SLC24A3: variants seen among roughly 807,000 people sequenced by gnomAD.
The protein encoded by SLC24A3 is solute carrier family 24 member 3, also known as sodium/potassium/calcium exchanger 3.
Under a neutral mutation model 75.8 loss-of-function variants are expected in SLC24A3, and 28 were observed. The observed-to-expected ratio is 0.37, with a 90% CI of 0.27 to 0.51. SLC24A3 has a LOEUF of 0.51. Among genes scored for constraint, SLC24A3 ranks in the 20% least tolerant of loss-of-function variants. SLC24A3 has a pLI of 0.94. For synonymous variants in SLC24A3, 372 were observed against 334.1 expected (o/e 1.11, Z -1.24); for missense variants, 663 against 847.8 (o/e 0.78, Z 2.71).
At chr20:19,638,909 T>A (rs2032033009) in intron 6 of SLC24A3, among the ~76,000 whole-genome samples, 1 of 152,132 alleles carries the variant, frequency 6.6e-6, no homozygotes, top group African/African-American at 2.4e-5. Flanking sequence ...CAGTGAGTAT[T>A]ACAGCTCATA....
Position 19,670,091 on chromosome 20 carries a change from A to G in SLC24A3, c.714-3510A>G, listed in dbSNP as rs997632876. Among the ~76,000 whole-genome samples, 3 of 151,912 alleles carry G rather than the reference A, an allele frequency of 2.0e-5. No individual in the cohort carries two copies. The East Asian group carries it at 5.8e-4, about 29-fold the overall frequency. On this transcript the variant is annotated intron_variant, in intron 8 of 16. Coordinates refer to ENST00000328041, the MANE Select transcript of SLC24A3 (RefSeq NM_020689.4). The stretch of plus-strand genomic sequence containing the variant: ...AGCACCTCCTCTACGCCAGGGAAAC[A>G]TGTCGTACAAAACCAGAGCTGGCCC...
chr20:19,368,297 G>C (rs1985933126), intron 2 of SLC24A3, among the ~76,000 whole-genome samples: 3 of 152,208 alleles, frequency 2.0e-5, no homozygotes, highest in African/African-American at 4.8e-5. Flanking sequence ...GCAAAGTACA[G>C]CCAGAGAGAA....
chr20:19,490,936 A>G (rs1165531610), intron 2 of SLC24A3, among the ~76,000 whole-genome samples: 1 of 152,168 alleles, frequency 6.6e-6, no homozygotes, highest in Non-Finnish European at 1.5e-5. Context: ...TGCCACTGCC[A>G]CTTTCTAATC....
chr20:19,222,759 T>C (rs1981752705), intron 1 of SLC24A3, among the ~76,000 whole-genome samples: 2 of 85,282 alleles, frequency 2.3e-5, no homozygotes, highest in East Asian at 6.6e-4. Context: ...TCCTTCTTCC[T>C]TCCCTCCTCC....
At chr20:19,517,932 C>A (rs1022432726) in intron 3 of SLC24A3, among the ~76,000 whole-genome samples, 6 of 152,180 alleles carry the variant, frequency 3.9e-5, no homozygotes, top group African/African-American at 1.4e-4. Flanking sequence ...AAGATCAAAT[C>A]TTGTTATCCT....
intron 1 of SLC24A3, among the ~76,000 whole-genome samples, chr20:19,262,551 C>T (rs1983026993): frequency 6.6e-6 from 1 of 152,156 alleles, no homozygotes; most frequent in African/African-American, 2.4e-5. Context: ...TCTCCCTGAA[C>T]CAGTCCCTTT....
chr20:19,713,433 G>A (rs1276993552), intron 15 of SLC24A3, among the ~76,000 whole-genome samples: 1 of 152,186 alleles, frequency 6.6e-6, no homozygotes, highest in Non-Finnish European at 1.5e-5. Flanking sequence ...GTGGCATCCG[G>A]GGTCTCTCTG....
chr20:19,221,497 C>T (rs1981710785), intron 1 of SLC24A3, among the ~76,000 whole-genome samples: 1 of 152,192 alleles, frequency 6.6e-6, no homozygotes. Flanking sequence ...GGGTCACAGC[C>T]TCCAGGTGCC....
rs146904812 is a variant in SLC24A3 at position 19,348,295 on chromosome 20, C to T, written c.271+67208C>T. On this transcript the variant is annotated intron_variant, in intron 2 of 16. Transcript: ENST00000328041. ...TTCTTCAAGGAGAACTGAGAATTCT[C>T]AGATGATTGGAAGGTTCTGTACTCT... Among the ~76,000 whole-genome samples, 511 of 152,290 alleles carry T rather than the reference C, an allele frequency of 3.4e-3. 1 individual carries two copies. Among genetic ancestry groups the T allele is most frequent in the Non-Finnish European group, 4.4e-3 (300 of 68,022 alleles).
At chr20:19,525,362 G>T (rs183042119) in intron 3 of SLC24A3, among the ~76,000 whole-genome samples, 1 of 152,152 alleles carries the variant, frequency 6.6e-6, no homozygotes, top group Non-Finnish European at 1.5e-5. Flanking sequence ...AGACAAGGAG[G>T]CCAGGGCAGA....
chr20:19,627,077 C>T (rs1402442874), intron 6 of SLC24A3, among the ~76,000 whole-genome samples: 2 of 152,218 alleles, frequency 1.3e-5, no homozygotes, highest in Admixed American at 1.3e-4. Flanking sequence ...GTATCAGATT[C>T]TCTTGTTATC....
chr20:19,280,690 T>C (rs538325815), intron 1 of SLC24A3, among the ~76,000 whole-genome samples: 1 of 152,294 alleles, frequency 6.6e-6, no homozygotes, highest in South Asian at 2.1e-4. Flanking sequence ...GGGGGGCAGT[T>C]GATCAAGTGT....
chr20:19,641,369 A>G (rs1458854841), intron 6 of SLC24A3, among the ~76,000 whole-genome samples: 2 of 152,198 alleles, frequency 1.3e-5, no homozygotes, highest in East Asian at 3.9e-4. Context: ...AATTCCACAC[A>G]TCTTGTTTTA....
intron 2 of SLC24A3, among the ~76,000 whole-genome samples, chr20:19,318,683 G>A (rs894526282): frequency 6.6e-6 from 1 of 152,056 alleles, no homozygotes; most frequent in African/African-American, 2.4e-5. Flanking sequence ...GGTGTGGGGA[G>A]GGAATACTGC....
intron 7 of SLC24A3, among the ~76,000 whole-genome samples, chr20:19,662,562 G>C (rs1202185967): frequency 6.6e-6 from 1 of 152,358 alleles, no homozygotes; most frequent in East Asian, 1.9e-4. Context: ...CATGGAGGGA[G>C]GACTGGAACG....
intron 3 of SLC24A3, among the ~76,000 whole-genome samples, chr20:19,535,105 G>A (rs2030372318): frequency 6.6e-6 from 1 of 152,190 alleles, no homozygotes; most frequent in South Asian, 2.1e-4. Context: ...ATTCTACTTT[G>A]AGTAATGATG....
intron 3 of SLC24A3, among the ~76,000 whole-genome samples, chr20:19,538,461 A>G (rs996618422): frequency 1.3e-5 from 2 of 152,230 alleles, no homozygotes; most frequent in Non-Finnish European, 2.9e-5. Context: ...TAATGAAAAA[A>G]GCAAAAAGAC....
chr20:19,248,273 G>C (rs1982552974), intron 1 of SLC24A3, among the ~76,000 whole-genome samples: 1 of 152,162 alleles, frequency 6.6e-6, no homozygotes, highest in Non-Finnish European at 1.5e-5. Flanking sequence ...AGAATTCTGT[G>C]TGCCCCGCAT....
intron 6 of SLC24A3, among the ~76,000 whole-genome samples, chr20:19,639,910 G>A (rs1291405077): frequency 1.3e-5 from 2 of 152,262 alleles, no homozygotes; most frequent in Non-Finnish European, 2.9e-5. Flanking sequence ...GGCAGGGCCG[G>A]CTGGCCGGCT....
Sources: gnomAD v4.1 joint callset for allele counts (sites outside exome capture counted in the v4.1 genomes callset) on GRCh38, gnomAD v4.1.1 for gene constraint, MANE v1.5 for transcripts, NCBI Gene and HGNC (gene_info 2026-07-23, HGNC 2026-07-21) for gene names.